The following AP4E1 variants were observed in gnomAD, a reference collection of about 807,000 sequenced individuals.
The protein encoded by AP4E1 is AP-4 complex subunit epsilon-1.
A neutral mutation model predicts 128.2 loss-of-function variants in AP4E1; 56 were observed. The ratio of observed to expected loss-of-function variants is 0.44; its 90% CI spans 0.35 to 0.55. AP4E1 has a LOEUF of 0.55. Among genes scored for constraint, AP4E1 ranks in the 20% least tolerant of loss-of-function variants. AP4E1 has a pLI of 0.00. For missense variants in AP4E1, 1,324 were observed against 1,307.7 expected (o/e 1.01, Z -0.19); for synonymous variants, 484 against 473.1 (o/e 1.02, Z -0.30).
At chr15:50,914,524 A>G (rs1190934735) in intron 2 of AP4E1, among the ~76,000 whole-genome samples, 1 of 151,790 alleles carries the variant, frequency 6.6e-6, no homozygotes, top group Non-Finnish European at 1.5e-5. Flanking sequence ...GGTGGCGTGC[A>G]CCTGTGGTCC....
intron 3 of AP4E1, among the ~76,000 whole-genome samples, chr15:50,920,239 A>T (rs1423226692): frequency 6.8e-6 from 1 of 146,424 alleles, no homozygotes; most frequent in African/African-American, 2.5e-5. Flanking sequence ...TCAGCCTCCC[A>T]AGTAGCTGGG....
intron 14 of AP4E1, among the ~76,000 whole-genome samples, chr15:50,966,726 G>A (rs1449942319): frequency 2.0e-5 from 3 of 151,758 alleles, no homozygotes; most frequent in African/African-American, 4.8e-5. Flanking sequence ...TAGTAGAGAC[G>A]AGGTTTCACC....
chr15:50,915,294 T>C, intron 2 of AP4E1, 154 bp from the exon 3 acceptor site: 1 of 754,376 alleles, frequency 1.3e-6, no homozygotes, highest in Non-Finnish European at 2.1e-6. Flanking sequence ...AATTTTTATT[T>C]ATAAAGTCTG....
Position 50,949,925 on chromosome 15 carries a change from A to G in AP4E1, c.1416A>G (p.Arg472=), listed in dbSNP as rs148239178. ...MHPDIPNNFL[R]LLAEGFDDET... ...CTGATATTCCCAATAACTTTCTGAGACTACTAGCGGAAGGTTGGTACACTA... is the reference window on the plus strand; with the variant it reads ...CTGATATTCCCAATAACTTTCTGAGGCTACTAGCGGAAGGTTGGTACACTA... The change falls in exon 12 of 21, where the codon AGA becomes AGG. Residue 472 remains arginine, a synonymous_variant. Coordinates refer to ENST00000261842, the MANE Select transcript of AP4E1 (RefSeq NM_007347.5). 43 of 1,612,852 alleles carry G rather than the reference A, an allele frequency of 2.7e-5. No homozygotes were observed. The African/African-American group carries it at 5.5e-4, about 20-fold the overall frequency.
chr15:50,981,676 A>T (rs1291975341), intron 15 of AP4E1, among the ~76,000 whole-genome samples: 16 of 152,242 alleles, frequency 1.1e-4, no homozygotes, highest in Admixed American at 1.0e-3. Flanking sequence ...ATGTGTTGGA[A>T]ACAATCCCCA....
At chr15:50,935,000 T>G (rs2063888274) in intron 8 of AP4E1, among the ~76,000 whole-genome samples, 1 of 152,266 alleles carries the variant, frequency 6.6e-6, no homozygotes, top group South Asian at 2.1e-4. Flanking sequence ...TCCATAGATT[T>G]GTTCCATGCT....
intron 16 of AP4E1, among the ~76,000 whole-genome samples, chr15:50,985,210 C>T (rs1472120514): frequency 6.6e-6 from 1 of 152,036 alleles, no homozygotes; most frequent in East Asian, 1.9e-4. Context: ...TGGATATTAG[C>T]CCTTTGTCAG....
chr15:50,976,250 A>G (rs1281977277), intron 15 of AP4E1, among the ~76,000 whole-genome samples: 1 of 152,210 alleles, frequency 6.6e-6, no homozygotes, highest in Non-Finnish European at 1.5e-5. Context: ...TTAATGTGAT[A>G]TCATGTTAAC....
At chr15:50,938,047 T>C (rs1036362705) in intron 8 of AP4E1, among the ~76,000 whole-genome samples, 4 of 152,152 alleles carry the variant, frequency 2.6e-5, no homozygotes, top group African/African-American at 9.7e-5. Context: ...CCGTTTTTTT[T>C]CTCACTAATT....
chr15:50,924,043 C>A, intron 4 of AP4E1, 39 bp downstream of exon 4: 1 of 1,493,746 alleles, frequency 6.7e-7, no homozygotes, highest in South Asian at 1.1e-5. Flanking sequence ...AGTCATAATT[C>A]TTGTCAGCAC....
chr15:50,955,676 G>T (rs1304899340), intron 13 of AP4E1, among the ~76,000 whole-genome samples: 1 of 152,210 alleles, frequency 6.6e-6, no homozygotes, highest in Non-Finnish European at 1.5e-5. Flanking sequence ...GAAAGGCAGG[G>T]ACACTGTATT....
intron 17 of AP4E1, among the ~76,000 whole-genome samples, chr15:50,995,044 G>A (rs1035379936): frequency 6.6e-6 from 1 of 152,104 alleles, no homozygotes; most frequent in Non-Finnish European, 1.5e-5. Context: ...TAACTTAGAT[G>A]CATAAAGAAG....
At chr15:50,915,281 A>C in intron 2 of AP4E1, 167 bp from the exon 3 acceptor site, 1 of 675,832 alleles carries the variant, frequency 1.5e-6, no homozygotes. Flanking sequence ...TAAGATCAGG[A>C]GCAATTTTTA....
Position 50,999,281 on chromosome 15 carries a change from GTT to G in AP4E1, c.3095+20_3095+21del. The G allele has an allele frequency of 1.3e-6, 2 of 1,592,624 alleles. No homozygotes were observed. Among genetic ancestry groups the G allele is most frequent in the Non-Finnish European group, 1.7e-6 (2 of 1,165,828 alleles). ...TCATTAGGTAAATGTTTTGTGAAAT[GTT>G]AATTCAAGTTGTTAATTCACCAACT... On this transcript the variant is annotated intron_variant, in intron 19 of 20. Transcript: ENST00000261842.
intron 8 of AP4E1, among the ~76,000 whole-genome samples, chr15:50,935,986 G>A (rs1223191151): frequency 6.6e-6 from 1 of 152,180 alleles, no homozygotes; most frequent in Non-Finnish European, 1.5e-5. Context: ...TAGAGTGCCT[G>A]TGAAACAAAA....
intron 1 of AP4E1, among the ~76,000 whole-genome samples, chr15:50,910,599 G>A (rs2063554774): frequency 6.6e-6 from 1 of 152,216 alleles, no homozygotes; most frequent in South Asian, 2.1e-4. Flanking sequence ...CTAATAAGTT[G>A]ATGCTATCCG....
At chr15:50,939,651 A>AT (rs781247830) in intron 8 of AP4E1, among the ~76,000 whole-genome samples, 8 of 151,896 alleles carry the variant, frequency 5.3e-5, no homozygotes, top group Non-Finnish European at 7.4e-5. Context: ...TTGAACTATT[A>AT]TTTTTTTTCC....
rs756519307 is a variant in AP4E1, at chr15:50,968,295, T to C, written c.1884T>C (p.Phe628=). The change falls in exon 15 of 21, where the codon TTT becomes TTC. Residue 628 remains phenylalanine (F), a synonymous_variant. Transcript: ENST00000261842. ...CTTCTTTATCTTTTCTGGATGGTTT[T>C]GTGGCTGAAGGACTCAGTCAGGGTG... ...VDASLSFLDG[F]VAEGLSQGAA... The C allele has an allele frequency of 1.2e-6, 2 of 1,613,828 alleles. No individual in the cohort carries two copies. The highest frequency in any genetic ancestry group is 2.2e-5 in the South Asian group (2 of 91,046).
chr15:50,911,100 A>G (rs1027069713), intron 1 of AP4E1, among the ~76,000 whole-genome samples: 5 of 152,254 alleles, frequency 3.3e-5, no homozygotes, highest in African/African-American at 1.2e-4. Flanking sequence ...ATCCACGTGT[A>G]TCAGTACGTC....
Sources: allele counts gnomAD v4.1 joint callset (sites outside exome capture counted in the v4.1 genomes callset), GRCh38; gene constraint gnomAD v4.1.1; transcripts MANE v1.5; gene names NCBI Gene and HGNC (gene_info 2026-07-23, HGNC 2026-07-21).